The following CCDC186 variants were observed in gnomAD, a reference collection of about 807,000 sequenced individuals.
The protein encoded by CCDC186 is coiled-coil domain containing 186.
A neutral mutation model predicts 113.7 loss-of-function variants in CCDC186; 49 were observed. The ratio of observed to expected loss-of-function variants is 0.43; its 90% CI spans 0.34 to 0.55. The LOEUF is 0.55. Among genes scored for constraint, CCDC186 ranks in the 20% least tolerant of loss-of-function variants. CCDC186 has a pLI of 0.02. For synonymous variants in CCDC186, 355 were observed against 345.8 expected, an observed-to-expected ratio of 1.03 and a Z score of -0.30; for missense variants, 890 against 1,011.1, an observed-to-expected ratio of 0.88 and a Z score of 1.62.
At chr10:114,173,731 C>T (rs1430328231) in intron 1 of CCDC186, among the ~76,000 whole-genome samples, 1 of 152,220 alleles carries the variant, frequency 6.6e-6, no homozygotes, top group Non-Finnish European at 1.5e-5. Flanking sequence ...GCTCTCGAGG[C>T]ACAGCCCCCA....
intron 6 of CCDC186, among the ~76,000 whole-genome samples, chr10:114,142,906 C>A (rs971999906): frequency 4.6e-5 from 7 of 152,172 alleles, no homozygotes; most frequent in African/African-American, 9.7e-5. Context: ...ATCCTTTGAT[C>A]CAGGGACTCC....
chr10:114,127,797 C>A, intron 13 of CCDC186, 126 bp from the exon 14 acceptor site: 1 of 862,992 alleles, frequency 1.2e-6, no homozygotes, highest in Non-Finnish European at 1.8e-6. Flanking sequence ...GAAGACAACA[C>A]AGGTCAACGT....
intron 3 of CCDC186, among the ~76,000 whole-genome samples, chr10:114,157,306 C>T (rs2032038995): frequency 6.6e-6 from 1 of 151,356 alleles, no homozygotes; most frequent in Admixed American, 6.6e-5. Context: ...ACCTCAGCCT[C>T]CTTAGTAGCT....
intron 6 of CCDC186, among the ~76,000 whole-genome samples, chr10:114,141,050 C>G (rs776227395): frequency 6.6e-6 from 1 of 151,894 alleles, no homozygotes; most frequent in African/African-American, 2.4e-5. Context: ...ACCACCACAC[C>G]TGGCTAATTT....
intron 3 of CCDC186, among the ~76,000 whole-genome samples, chr10:114,152,377 A>G (rs1483127361): frequency 6.6e-6 from 1 of 151,698 alleles, no homozygotes; most frequent in African/African-American, 2.4e-5. Flanking sequence ...TTCACTTGTC[A>G]GGGGCAGACA....
At chr10:114,135,764 A>G (rs2031239084) in intron 9 of CCDC186, 127 bp downstream of exon 9, 4 of 733,132 alleles carry the variant, frequency 5.5e-6, no homozygotes, top group Non-Finnish European at 8.8e-6. Context: ...CCTCTACTCT[A>G]CTGAGTTCCT....
chr10:114,162,556 G>T, intron 2 of CCDC186, 81 bp downstream of exon 2: 1 of 1,039,376 alleles, frequency 9.6e-7, no homozygotes, highest in Non-Finnish European at 1.4e-6. Flanking sequence ...GAACAAAATG[G>T]TATTTTCCTT....
At chr10:114,154,290 A>G (rs1186199996) in intron 3 of CCDC186, among the ~76,000 whole-genome samples, 1 of 151,934 alleles carries the variant, frequency 6.6e-6, no homozygotes, top group Non-Finnish European at 1.5e-5. Context: ...GAAAAGATGA[A>G]GAAAACTGAC....
intron 2 of CCDC186, among the ~76,000 whole-genome samples, chr10:114,160,587 T>A (rs2032141521): frequency 6.6e-6 from 1 of 152,004 alleles, no homozygotes; most frequent in Non-Finnish European, 1.5e-5. Flanking sequence ...CTAACTTGAT[T>A]GTGGTAATCA....
chr10:114,164,281 T>C (rs746276948), intron 1 of CCDC186, among the ~76,000 whole-genome samples: 2 of 151,330 alleles, frequency 1.3e-5, no homozygotes, highest in Non-Finnish European at 2.9e-5. Context: ...TCACTACACC[T>C]GGCTAATTTT....
intron 1 of CCDC186, among the ~76,000 whole-genome samples, chr10:114,165,282 G>A (rs1353437992): frequency 3.9e-5 from 6 of 152,296 alleles, no homozygotes; most frequent in Admixed American, 2.6e-4. Flanking sequence ...ACAAATAAAC[G>A]GAGTAAATAA....
chr10:114,173,521 T>C (rs1295176182), intron 1 of CCDC186, among the ~76,000 whole-genome samples: 13 of 152,300 alleles, frequency 8.5e-5, no homozygotes, highest in Non-Finnish European at 1.6e-4. Flanking sequence ...AAAGAATCAC[T>C]TCTAAGGAAC....
chr10:114,152,323 T>C (rs1057353204), intron 3 of CCDC186, among the ~76,000 whole-genome samples: 3 of 149,440 alleles, frequency 2.0e-5, no homozygotes, highest in African/African-American at 7.4e-5. Context: ...GCCAGAGTGA[T>C]GAGACCCTGT....
rs561956382 is a variant in CCDC186, at chr10:114,173,590, T to C, written c.-62+425A>G. Among the ~76,000 whole-genome samples the C allele has an allele frequency of 1.3e-4, 20 of 152,208 alleles. 1 individual carries two copies. Among genetic ancestry groups the C allele is most frequent in the Admixed American group, 1.0e-3 (16 of 15,298 alleles). ...GGTAACAAGTCTTCACAACAGTAAA[T>C]ATAAAACACCCACATACAGTCAACT... On this transcript the variant is annotated intron_variant, in intron 1 of 15. Transcript: ENST00000369287.
At chr10:114,144,094 G>A (rs1270540776) in intron 6 of CCDC186, among the ~76,000 whole-genome samples, 1 of 151,742 alleles carries the variant, frequency 6.6e-6, no homozygotes, top group Non-Finnish European at 1.5e-5. Context: ...TAGCATCATT[G>A]ATTTTTTAAA....
rs1327551182 is a variant in CCDC186, at chr10:114,156,472, C to G, written c.759+1082G>C. Among the ~76,000 whole-genome samples the G allele has an allele frequency of 9.2e-5, 14 of 152,346 alleles. No individual in the cohort carries two copies. The East Asian group carries it at 2.7e-3, about 29-fold the overall frequency. ...GGGCAGTGGTTCATGCCTGTAATCC[C>G]AGAACTGGGAGGCCAGGCCAAGGCA... On this transcript the variant is annotated intron_variant, in intron 3 of 15. Transcript: ENST00000369287.
At chr10:114,147,368 A>G (rs1229110492) in intron 4 of CCDC186, among the ~76,000 whole-genome samples, 1 of 152,118 alleles carries the variant, frequency 6.6e-6, no homozygotes, top group Non-Finnish European at 1.5e-5. Flanking sequence ...CCCTGGGAGG[A>G]GTTGGCAGGA....
intron 3 of CCDC186, among the ~76,000 whole-genome samples, chr10:114,153,829 C>G: frequency 6.7e-6 from 1 of 149,396 alleles, no homozygotes; most frequent in Non-Finnish European, 1.5e-5. Flanking sequence ...AATTAATAAC[C>G]TATACTTGCA....
chr10:114,135,280 C>T (rs921616830), intron 9 of CCDC186, among the ~76,000 whole-genome samples: 1 of 152,084 alleles, frequency 6.6e-6, no homozygotes, highest in African/African-American at 2.4e-5. Flanking sequence ...ACCATCTCCT[C>T]ACCTGAAAAA....
Sources: allele counts gnomAD v4.1 joint callset (sites outside exome capture counted in the v4.1 genomes callset), GRCh38; gene constraint gnomAD v4.1.1; transcripts MANE v1.5; gene names NCBI Gene and HGNC (gene_info 2026-07-23, HGNC 2026-07-21).